STX8: variants seen among roughly 807,000 people sequenced by gnomAD.
STX8 encodes syntaxin 8.
STX8 carries 23 observed loss-of-function variants against 37.5 expected under a neutral mutation model. The ratio of observed to expected loss-of-function variants is 0.61; its 90% CI spans 0.44 to 0.87. The LOEUF (loss-of-function observed/expected upper bound fraction) is 0.87. Among genes scored for constraint, STX8 ranks in the 40% least tolerant of loss-of-function variants. The pLI, the probability that STX8 is intolerant of heterozygous loss-of-function variation, is 0.00. For synonymous variants in STX8, 115 were observed against 99.1 expected, an observed-to-expected ratio of 1.16 and a Z score of -0.95; for missense variants, 313 against 284.7, an observed-to-expected ratio of 1.10 and a Z score of -0.71.
At chr17:9,310,718 A>G (rs1909161462) in intron 7 of STX8, among the ~76,000 whole-genome samples, 1 of 152,086 alleles carries the variant, frequency 6.6e-6, no homozygotes, top group Admixed American at 6.6e-5. Context: ...TCCAATTTTT[A>G]TAAATGAAAT....
intron 6 of STX8, among the ~76,000 whole-genome samples, chr17:9,393,490 G>A (rs775424325): frequency 3.3e-5 from 5 of 152,162 alleles, no homozygotes; most frequent in Non-Finnish European, 7.3e-5. Flanking sequence ...AACTCATACT[G>A]TCTGATCTTC....
chr17:9,420,168 G>A (rs923313503), intron 6 of STX8, among the ~76,000 whole-genome samples: 2 of 152,182 alleles, frequency 1.3e-5, no homozygotes, highest in African/African-American at 4.8e-5. Flanking sequence ...ATGGCACAGG[G>A]ACCGCACTCA....
At chr17:9,523,038 C>T (rs1311953803) in intron 4 of STX8, among the ~76,000 whole-genome samples, 1 of 151,980 alleles carries the variant, frequency 6.6e-6, no homozygotes, top group African/African-American at 2.4e-5. Flanking sequence ...GTAAGCCAGG[C>T]TCGGTGGCTC....
chr17:9,530,492 G>A (rs1280672793), intron 4 of STX8, among the ~76,000 whole-genome samples: 1 of 152,198 alleles, frequency 6.6e-6, no homozygotes, highest in Non-Finnish European at 1.5e-5. Context: ...AGCAACACTT[G>A]ACATGTCTGT....
At chr17:9,294,044 C>T (rs984802850) in intron 7 of STX8, among the ~76,000 whole-genome samples, 2 of 152,070 alleles carry the variant, frequency 1.3e-5, no homozygotes, top group Non-Finnish European at 2.9e-5. Flanking sequence ...GGATTACAGG[C>T]GTGAGCCACT....
rs371757156 is a variant in STX8, at chr17:9,291,441, C to CAA, written c.644-40798_644-40797dup. ...GGGCGATGGGAGTGAGACTCGGTCT[C>CAA]AAAAAAAAAAAAAAAAAAAGTATGT... On this transcript the variant is annotated intron_variant, in intron 7 of 7. Coordinates refer to ENST00000306357, the MANE Select transcript of STX8 (RefSeq NM_004853.3). Among the ~76,000 whole-genome samples the CAA allele has an allele frequency of 1.9e-3, 165 of 84,990 alleles. 2 individuals are homozygous for CAA. Among genetic ancestry groups the CAA allele is most frequent in the African/African-American group, 4.9e-3 (99 of 20,234 alleles). 55.8% of individuals were successfully genotyped at this position (84,990 alleles called of 152,430 possible). A position where few individuals can be genotyped will look rare whatever the true frequency, so the allele number is the denominator to read the frequency against.
chr17:9,519,899 C>A (rs1297895023), intron 4 of STX8, among the ~76,000 whole-genome samples: 1 of 151,616 alleles, frequency 6.6e-6, no homozygotes, highest in Non-Finnish European at 1.5e-5. Context: ...TGATCCCTAG[C>A]CCCATCCCCC....
chr17:9,417,412 C>T lies in STX8; in HGVS notation c.542-38759G>A, dbSNP rs964543612. ...GAGGAGCTTTAAAATTACAGATGCC[C>T]GTTTCCTACTCCCAGAAATTCTGAT... On this transcript the variant is annotated intron_variant, in intron 6 of 7. Coordinates refer to ENST00000306357, the MANE Select transcript of STX8 (RefSeq NM_004853.3). Among the ~76,000 whole-genome samples the T allele has an allele frequency of 2.0e-5, 3 of 152,040 alleles. 1 individual carries two copies. The highest frequency in any genetic ancestry group is 4.2e-4 in the South Asian group (2 of 4,810).
In STX8 at chr17:9,392,906, G is replaced by GA. The variant is rs1912273369; in HGVS notation, c.542-14254dup. ...CATGCCACTGGAGTCTCAGAAGAGA[G>GA]AAAAAAGAGTGTGGGCCAGAAAAAA... is the stretch of plus-strand genomic sequence containing the variant. On this transcript the variant is annotated intron_variant, in intron 6 of 7. Transcript: ENST00000306357. 3.3e-5 allele frequency among the ~76,000 whole-genome samples: 5 copies of GA among 152,232 alleles called. No homozygotes were observed. In the South Asian group the frequency reaches 1.0e-3, roughly 32 times the overall value.
chr17:9,315,840 T>C (rs1455832638), intron 7 of STX8, among the ~76,000 whole-genome samples: 3 of 152,012 alleles, frequency 2.0e-5, no homozygotes, highest in Admixed American at 6.6e-5. Flanking sequence ...GGTGAAACGC[T>C]GTCTCTACTA....
At chr17:9,334,716 C>T (rs1489150368) in intron 7 of STX8, among the ~76,000 whole-genome samples, 2 of 152,108 alleles carry the variant, frequency 1.3e-5, no homozygotes, top group African/African-American at 4.8e-5. Context: ...ATTTATTTGG[C>T]TCATGGTTCT....
chr17:9,514,164 C>T (rs62066221), intron 4 of STX8, among the ~76,000 whole-genome samples: 25,108 of 151,896 alleles, frequency 0.17, 2,200 homozygotes, highest in South Asian at 0.24. Context: ...GCTAGAAGGA[C>T]GATATAGAAT....
At chr17:9,510,396 A>T (rs78590212) in intron 4 of STX8, among the ~76,000 whole-genome samples, 2,527 of 152,242 alleles carry the variant, frequency 0.017, 91 homozygotes, top group East Asian at 0.12. Flanking sequence ...AGTCTCAAAA[A>T]TTTTTTTAGA....
In STX8 at chr17:9,511,304, A is replaced by C. The variant is rs542455931; in HGVS notation, c.324-6142T>G. On this transcript the variant is annotated intron_variant, in intron 4 of 7. Transcript: ENST00000306357. ...TATCAAAAGCAGACAAGAATACAACAGAAAAAGAAAAGTTCAGGCCAATAT... is the reference window on the plus strand; with the variant it reads ...TATCAAAAGCAGACAAGAATACAACCGAAAAAGAAAAGTTCAGGCCAATAT... Among the ~76,000 whole-genome samples the C allele has an allele frequency of 5.3e-5, 8 of 152,314 alleles. No homozygotes were observed. The South Asian group carries it at 1.7e-3, about 32-fold the overall frequency.
At chr17:9,520,472 T>C (rs556129119) in intron 4 of STX8, among the ~76,000 whole-genome samples, 35 of 152,326 alleles carry the variant, frequency 2.3e-4, no homozygotes, top group Admixed American at 2.2e-3. Context: ...CAGACTTGAA[T>C]TTTTTTAATA....
intron 7 of STX8, among the ~76,000 whole-genome samples, chr17:9,365,954 C>T (rs931508062): frequency 6.6e-5 from 10 of 151,990 alleles, no homozygotes; most frequent in Non-Finnish European, 1.2e-4. Flanking sequence ...GCCTGGGCAA[C>T]AGAGCGAGAC....
intron 6 of STX8, among the ~76,000 whole-genome samples, chr17:9,450,922 C>A (rs906038844): frequency 5.3e-5 from 8 of 151,998 alleles, no homozygotes; most frequent in African/African-American, 1.9e-4. Context: ...AGAGGTCCTG[C>A]CTTTTTGTCC....
chr17:9,410,341 C>A (rs1489819963), intron 6 of STX8, among the ~76,000 whole-genome samples: 3 of 152,210 alleles, frequency 2.0e-5, no homozygotes, highest in Non-Finnish European at 1.5e-5. Flanking sequence ...AAATTTTACA[C>A]TTTTTGCTAA....
chr17:9,420,485 C>A (rs1913384590), intron 6 of STX8, among the ~76,000 whole-genome samples: 1 of 152,164 alleles, frequency 6.6e-6, no homozygotes, highest in Non-Finnish European at 1.5e-5. Context: ...TCTGCTGCCA[C>A]CGTGGCCCGC....
Sources: gnomAD v4.1 joint callset for allele counts (sites outside exome capture counted in the v4.1 genomes callset) on GRCh38, gnomAD v4.1.1 for gene constraint, MANE v1.5 for transcripts, NCBI Gene and HGNC (gene_info 2026-07-23, HGNC 2026-07-21) for gene names.